ERC1: variants seen among roughly 807,000 people sequenced by gnomAD.
The protein encoded by ERC1 is RAB6 interacting protein 2.
In ERC1, 56 loss-of-function variants were observed where a neutral mutation model predicts 132.0. The ratio of observed to expected loss-of-function variants is 0.42; its 90% CI spans 0.34 to 0.53. The LOEUF (loss-of-function observed/expected upper bound fraction) is 0.53, where lower values mean the gene tolerates loss of function less well. Among genes scored for constraint, ERC1 ranks in the 20% least tolerant of loss-of-function variants. ERC1 has a pLI of 0.03. For synonymous variants in ERC1, 478 were observed against 476.1 expected (o/e 1.00, Z -0.05); for missense variants, 1,202 against 1,349.9 (o/e 0.89, Z 1.72).
At chr12:1,211,520 G>T (rs1957871486) in intron 12 of ERC1, among the ~76,000 whole-genome samples, 1 of 152,030 alleles carries the variant, frequency 6.6e-6, no homozygotes, top group Admixed American at 6.6e-5. Flanking sequence ...AATTGGCTTG[G>T]GGAAGTGATC....
At position 1,444,657 on chromosome 12, in the gene ERC1, G is replaced by A. The variant is rs1434904282; in HGVS notation, c.3120G>A (p.Leu1040=). The change falls in exon 18 of 19, where the codon CTG becomes CTA. Residue 1040 remains leucine, a synonymous_variant. Transcript: ENST00000360905. The stretch of plus-strand genomic sequence containing the variant: ...CCCTCTGCCATGACCGAGACCCCCT[G>A]ATCCTCCGTGGACTCACTCCACCAG... ...LTTLCHDRDP[L]ILRGLTPPAS... 6.2e-7 allele frequency: 1 copy of A among 1,614,086 alleles called. No homozygotes were observed. The highest frequency in any genetic ancestry group is 8.5e-7 in the Non-Finnish European group (1 of 1,179,974).
At chr12:1,359,095 G>A (rs569024403) in intron 15 of ERC1, among the ~76,000 whole-genome samples, 1 of 152,260 alleles carries the variant, frequency 6.6e-6, no homozygotes, top group East Asian at 1.9e-4. Flanking sequence ...CTATATTGGA[G>A]CCCTCAAAAC....
chr12:1,121,705 A>G (rs796501116), intron 7 of ERC1, among the ~76,000 whole-genome samples: 1 of 52,362 alleles, frequency 1.9e-5, no homozygotes, highest in African/African-American at 7.5e-5. Context: ...CTCTATCTCT[A>G]TCTGTGTCTC....
intron 8 of ERC1, among the ~76,000 whole-genome samples, chr12:1,176,616 C>T (rs189626038): frequency 8.0e-5 from 12 of 149,874 alleles, no homozygotes; most frequent in East Asian, 3.9e-4. Flanking sequence ...AGTCTCGCTT[C>T]GTTGCCCAGG....
At chr12:1,262,223 C>A (rs1269744648) in intron 13 of ERC1, among the ~76,000 whole-genome samples, 1 of 152,224 alleles carries the variant, frequency 6.6e-6, no homozygotes, top group Admixed American at 6.5e-5. Context: ...CTATAATAAC[C>A]TGATGACTGC....
At chr12:1,179,864 T>C (rs1271920850) in intron 8 of ERC1, among the ~76,000 whole-genome samples, 1 of 152,164 alleles carries the variant, frequency 6.6e-6, no homozygotes, top group Non-Finnish European at 1.5e-5. Context: ...ACAAACGTTT[T>C]TTGAGTAAAT....
chr12:1,264,050 T>C (rs369907235), intron 14 of ERC1, among the ~76,000 whole-genome samples: 1 of 152,158 alleles, frequency 6.6e-6, no homozygotes, highest in African/African-American at 2.4e-5. Context: ...AGCTAATATT[T>C]TATTCATTTC....
Position 1,454,445 on chromosome 12 carries a change from C to T in ERC1, c.3213+9695C>T, listed in dbSNP as rs867361330. 3.9e-5 allele frequency among the ~76,000 whole-genome samples: 6 copies of T among 152,290 alleles called. No homozygotes were observed. The Middle Eastern group carries it at 0.01, about 259-fold the overall frequency. On this transcript the variant is annotated intron_variant, in intron 18 of 18. Coordinates refer to ENST00000360905, the MANE Select transcript of ERC1 (RefSeq NM_178040.4). ...GCTGGTCAGTCAGAAGCACAGGTCA[C>T]AACCTGTGATTGGCATCTGAAGCTG...
chr12:995,086 ACT>A (rs1156948161), intron 1 of ERC1, among the ~76,000 whole-genome samples: 11 of 143,142 alleles, frequency 7.7e-5, no homozygotes, highest in Non-Finnish European at 1.5e-4. Flanking sequence ...ACAGAGCAAG[ACT>A]CTGTCTCAAA....
At chr12:1,204,588 G>T (rs1164071957) in intron 12 of ERC1, 2 of 1,316,590 alleles carry the variant, frequency 1.5e-6, no homozygotes, top group African/African-American at 2.9e-5. Context: ...TTCTTACAGG[G>T]AACTGAACAT....
chr12:1,236,305 CATT>C (rs1268147337), intron 12 of ERC1, among the ~76,000 whole-genome samples: 2 of 152,050 alleles, frequency 1.3e-5, no homozygotes, highest in Non-Finnish European at 2.9e-5. Flanking sequence ...ATTTTTATGT[CATT>C]ATTTTCATAT....
intron 2 of ERC1, among the ~76,000 whole-genome samples, chr12:1,068,316 A>G (rs1220446978): frequency 6.6e-6 from 1 of 152,134 alleles, no homozygotes; most frequent in Non-Finnish European, 1.5e-5. Context: ...CAAAATGCCA[A>G]ATACTGTAAT....
chr12:1,177,333 C>G (rs968103294), intron 8 of ERC1, among the ~76,000 whole-genome samples: 7 of 152,158 alleles, frequency 4.6e-5, no homozygotes, highest in African/African-American at 1.7e-4. Flanking sequence ...TTTGACATGC[C>G]TTCCTCACTA....
At chr12:1,145,677 G>A (rs1015425644) in intron 8 of ERC1, among the ~76,000 whole-genome samples, 2 of 152,146 alleles carry the variant, frequency 1.3e-5, no homozygotes, top group Non-Finnish European at 2.9e-5. Flanking sequence ...TTTTTCCAGT[G>A]TTATCTTCTA....
chr12:1,155,882 TAA>T (rs1236993076), intron 8 of ERC1, among the ~76,000 whole-genome samples: 22 of 151,836 alleles, frequency 1.4e-4, no homozygotes, highest in South Asian at 1.2e-3. Context: ...AATAAATAAA[TAA>T]AAATAAAAAT....
intron 12 of ERC1, among the ~76,000 whole-genome samples, chr12:1,202,264 C>T (rs1159406642): frequency 6.6e-6 from 1 of 152,184 alleles, no homozygotes; most frequent in Non-Finnish European, 1.5e-5. Context: ...TTACAGGAAT[C>T]TGTGTTTAAT....
rs185516151 is a variant in ERC1, at chr12:1,262,416, A to G, written c.2488-618A>G. The stretch of plus-strand genomic sequence containing the variant: ...GCTGGGAATTGCTTAGTTGGCTGAT[A>G]AAATTGCTCATTCTTAGCCAGACCG... On this transcript the variant is annotated intron_variant, in intron 13 of 18. Coordinates refer to ENST00000360905, the MANE Select transcript of ERC1 (RefSeq NM_178040.4). Among the ~76,000 whole-genome samples, 91 of 152,342 alleles carry G rather than the reference A, an allele frequency of 6.0e-4. 1 individual carries two copies. Among genetic ancestry groups the G allele is most frequent in the Middle Eastern group, 3.4e-3 (1 of 294 alleles).
At chr12:1,415,948 A>C (rs2092099076) in intron 17 of ERC1, among the ~76,000 whole-genome samples, 1 of 152,208 alleles carries the variant, frequency 6.6e-6, no homozygotes, top group Non-Finnish European at 1.5e-5. Flanking sequence ...TATCTCATAC[A>C]GGGCTCATAG....
chr12:1,196,611 C>A (rs9943709), intron 12 of ERC1, among the ~76,000 whole-genome samples: 64,735 of 150,490 alleles, frequency 0.43, 15,591 homozygotes, highest in African/African-American at 0.65. Context: ...CTCCCACCTC[C>A]GTGTCTTGAG....
Sources: allele counts gnomAD v4.1 joint callset (sites outside exome capture counted in the v4.1 genomes callset), GRCh38; gene constraint gnomAD v4.1.1; transcripts MANE v1.5; gene names NCBI Gene and HGNC (gene_info 2026-07-23, HGNC 2026-07-21).